The following RGL1 variants were observed in gnomAD, a reference collection of about 807,000 sequenced individuals.
RGL1 encodes ral guanine nucleotide dissociation stimulator like 1.
A neutral mutation model predicts 95.2 loss-of-function variants in RGL1; 24 were observed. That is an observed-to-expected ratio of 0.25 (90% CI 0.18 to 0.35). RGL1 has a LOEUF of 0.35. RGL1 is among the 10% of genes least tolerant of loss of function. The pLI, the probability that RGL1 is intolerant of heterozygous loss-of-function variation, is 1.00. For synonymous variants in RGL1, 329 were observed against 344.9 expected (o/e 0.95, Z 0.51); for missense variants, 715 against 936.3 (o/e 0.76, Z 3.08).
At chr1:183,700,845 G>A (rs930701096) in intron 1 of RGL1, among the ~76,000 whole-genome samples, 1 of 151,924 alleles carries the variant, frequency 6.6e-6, no homozygotes, top group East Asian at 1.9e-4. Flanking sequence ...TGCCTGGCCT[G>A]TCATCTAGGT....
intron 12 of RGL1, 77 bp downstream of exon 12, chr1:183,902,677 G>C: frequency 7.0e-7 from 1 of 1,426,896 alleles, no homozygotes; most frequent in East Asian, 2.3e-5. Flanking sequence ...AAGTTTTTTT[G>C]TAGAGGCAGA....
intron 2 of RGL1, among the ~76,000 whole-genome samples, chr1:183,776,309 C>T (rs979281300): frequency 1.5e-4 from 23 of 151,502 alleles, no homozygotes; most frequent in Non-Finnish European, 2.2e-4. Context: ...CTACCACGCC[C>T]GGCTAATTTT....
Position 183,892,138 on chromosome 1 carries a change from A to T in RGL1, c.1117A>T (p.Thr373Ser). The change falls in exon 9 of 18, where the codon ACC (threonine) becomes TCC (serine). Residue 373 changes from threonine to serine, a missense_variant. Physicochemically the swap from Thr to Ser is moderately conservative, Grantham distance 58. Around this residue, in one of 3 missense-constraint regions of RGL1, gnomAD observed 381 missense variants for 484.8 expected, o/e 0.79. Transcript: ENST00000360851. Reference sequence around the variant, plus strand: ...CTTCTCAGACCATAATAACCATTTGACCAGCCGAGAACTACTGATGAAGGT... The same window carrying T: ...CTTCTCAGACCATAATAACCATTTGTCCAGCCGAGAACTACTGATGAAGGT... ...DIFSDHNNHL[T>S]SRELLMKEGT... 6.2e-7 allele frequency: 1 copy of T among 1,612,506 alleles called. No homozygotes were observed. The highest frequency in any genetic ancestry group is 8.5e-7 in the Non-Finnish European group (1 of 1,179,004).
At chr1:183,915,748 T>C (rs962319177) in intron 15 of RGL1, among the ~76,000 whole-genome samples, 1 of 152,236 alleles carries the variant, frequency 6.6e-6, no homozygotes, top group Admixed American at 6.5e-5. Flanking sequence ...AGCAGCATAC[T>C]ATGTTGATTC....
intron 4 of RGL1, among the ~76,000 whole-genome samples, chr1:183,871,362 T>G (rs1235983408): frequency 6.6e-6 from 1 of 152,210 alleles, no homozygotes; most frequent in Non-Finnish European, 1.5e-5. Context: ...TTGTTTTCTT[T>G]TGCTATGAAT....
At chr1:183,654,210 C>T (rs552170917) in intron 1 of RGL1, among the ~76,000 whole-genome samples, 48 of 152,260 alleles carry the variant, frequency 3.2e-4, no homozygotes, top group Middle Eastern at 3.4e-3. Context: ...GTTTTTGTCT[C>T]CTAAGGGCCT....
intron 2 of RGL1, among the ~76,000 whole-genome samples, chr1:183,807,588 T>C (rs542536957): frequency 6.6e-6 from 1 of 152,334 alleles, no homozygotes; most frequent in Admixed American, 6.5e-5. Context: ...TGGTGGCCCA[T>C]GGCCGGCAGC....
intron 1 of RGL1, among the ~76,000 whole-genome samples, chr1:183,719,505 C>T (rs1655856859): frequency 6.6e-6 from 1 of 152,170 alleles, no homozygotes; most frequent in Non-Finnish European, 1.5e-5. Context: ...GTGGCTTCCT[C>T]CTTTGTTCTG....
chr1:183,833,193 C>T (rs1274244071), intron 2 of RGL1, among the ~76,000 whole-genome samples: 2 of 152,150 alleles, frequency 1.3e-5, no homozygotes, highest in Non-Finnish European at 2.9e-5. Flanking sequence ...GAATCACCCT[C>T]ATAACATCAA....
At chr1:183,887,029 G>A (rs1321231934) in intron 7 of RGL1, among the ~76,000 whole-genome samples, 2 of 151,716 alleles carry the variant, frequency 1.3e-5, no homozygotes, top group Non-Finnish European at 2.9e-5. Context: ...CTGTTCCTGA[G>A]TTCCTTTTTT....
At chr1:183,665,592 A>T (rs1198917042) in intron 1 of RGL1, among the ~76,000 whole-genome samples, 10 of 152,190 alleles carry the variant, frequency 6.6e-5, no homozygotes, top group Non-Finnish European at 2.9e-5. Context: ...CTGCCTATTT[A>T]TCTTATGTAA....
intron 1 of RGL1, among the ~76,000 whole-genome samples, chr1:183,733,226 G>A (rs1006216369): frequency 2.6e-5 from 4 of 152,062 alleles, no homozygotes; most frequent in Admixed American, 2.0e-4. Flanking sequence ...TACATGGATC[G>A]TGACCAACAC....
intron 2 of RGL1, among the ~76,000 whole-genome samples, chr1:183,847,030 A>G (rs1004889148): frequency 3.3e-5 from 5 of 152,210 alleles, no homozygotes; most frequent in Admixed American, 6.5e-5. Context: ...AAATGTAACC[A>G]TTATGAAGTA....
At chr1:183,887,086 G>T (rs1667149283) in intron 7 of RGL1, among the ~76,000 whole-genome samples, 1 of 151,030 alleles carries the variant, frequency 6.6e-6, no homozygotes, top group Non-Finnish European at 1.5e-5. Flanking sequence ...GTGAACCTTT[G>T]TTGAACCATG....
intron 1 of RGL1, among the ~76,000 whole-genome samples, chr1:183,665,839 C>T (rs916274548): frequency 6.6e-5 from 10 of 151,894 alleles, no homozygotes; most frequent in Non-Finnish European, 1.0e-4. Context: ...TATCAGCTTT[C>T]GGTTTAATGA....
intron 4 of RGL1, among the ~76,000 whole-genome samples, chr1:183,869,749 T>G (rs997089154): frequency 3.9e-5 from 6 of 152,228 alleles, no homozygotes; most frequent in Non-Finnish European, 8.8e-5. Context: ...TTTGTCTTTG[T>G]CTTTGTGAGA....
chr1:183,824,322 A>G (rs1198351375), intron 2 of RGL1, among the ~76,000 whole-genome samples: 2 of 151,998 alleles, frequency 1.3e-5, no homozygotes, highest in African/African-American at 4.8e-5. Context: ...GTGTCCTTCC[A>G]GGTTATTTAT....
At chr1:183,818,830 T>C (rs1406489359) in intron 2 of RGL1, among the ~76,000 whole-genome samples, 1 of 152,182 alleles carries the variant, frequency 6.6e-6, no homozygotes. Context: ...AGGAAAACAT[T>C]GAAGCAGCTA....
Position 183,907,022 on chromosome 1 carries a change from T to A in RGL1, c.1483T>A (p.Ser495Thr). Reference sequence around the variant, plus strand: ...CCTTCTCTTTCTCAGCTATGCCCTGTCATGTGAGATTGAAGCAGCTGCTGA... The same window carrying A: ...CCTTCTCTTTCTCAGCTATGCCCTGACATGTGAGATTGAAGCAGCTGCTGA... ...LLTEEESYAL[S>T]CEIEAAADAS... Residue 495 changes from serine to threonine, a missense_variant, in exon 14 of 18, where the codon TCA (serine) becomes ACA (threonine). Ser to Thr is a moderately conservative substitution (Grantham distance 58). Around this residue, in one of 3 missense-constraint regions of RGL1, gnomAD observed 330 missense variants for 429.6 expected, o/e 0.77. Coordinates refer to ENST00000360851, the MANE Select transcript of RGL1 (RefSeq NM_001297671.3). 6.2e-7 allele frequency: 1 copy of A among 1,607,670 alleles called. No homozygotes were observed. Among genetic ancestry groups the A allele is most frequent in the Non-Finnish European group, 8.5e-7 (1 of 1,174,652 alleles).
Sources: gnomAD v4.1 joint callset for allele counts (sites outside exome capture counted in the v4.1 genomes callset) on GRCh38, gnomAD v4.1.1 for gene constraint, gnomAD v4.1.1 regional missense constraint, MANE v1.5 for transcripts, NCBI Gene and HGNC (gene_info 2026-07-23, HGNC 2026-07-21) for gene names.